COP1: variants seen among roughly 807,000 people sequenced by gnomAD.
The protein encoded by COP1 is E3 ubiquitin-protein ligase COP1.
COP1 carries 24 observed loss-of-function variants against 101.3 expected under a neutral mutation model. That is an observed-to-expected ratio of 0.24 (90% CI 0.17 to 0.33). The LOEUF (loss-of-function observed/expected upper bound fraction) is 0.33, where lower values mean the gene tolerates loss of function less well. COP1 is among the 10% of genes least tolerant of loss of function. The pLI, the probability that COP1 is intolerant of heterozygous loss-of-function variation, is 1.00. For synonymous variants in COP1, 347 were observed against 341.9 expected (o/e 1.01, Z -0.17); for missense variants, 663 against 906.2 (o/e 0.73, Z 3.45).
At chr1:176,119,797 C>A (rs549371987) in intron 8 of COP1, among the ~76,000 whole-genome samples, 1 of 152,110 alleles carries the variant, frequency 6.6e-6, no homozygotes, top group Non-Finnish European at 1.5e-5. Context: ...CATTTACTGA[C>A]GGTTTACTAT....
chr1:176,201,247 T>C (rs1197706112), intron 1 of COP1, among the ~76,000 whole-genome samples: 33 of 152,136 alleles, frequency 2.2e-4, no homozygotes, highest in Non-Finnish European at 1.2e-4. Flanking sequence ...GCACTTCAGA[T>C]AGAGGATACT....
intron 15 of COP1, among the ~76,000 whole-genome samples, chr1:176,012,434 T>C (rs1347398692): frequency 1.3e-5 from 2 of 152,162 alleles, no homozygotes; most frequent in African/African-American, 4.8e-5. Context: ...CCAAGCTAAG[T>C]GTTATTACAA....
chr1:176,201,854 A>C (rs766461504), intron 1 of COP1, among the ~76,000 whole-genome samples: 9 of 152,236 alleles, frequency 5.9e-5, no homozygotes, highest in Non-Finnish European at 1.2e-4. Context: ...AAAGCAAAAG[A>C]AGCATCAAGT....
At chr1:176,121,622 A>C (rs1031704907) in intron 8 of COP1, among the ~76,000 whole-genome samples, 4 of 152,202 alleles carry the variant, frequency 2.6e-5, no homozygotes, top group Non-Finnish European at 5.9e-5. Flanking sequence ...CAACTTGGAC[A>C]TATAAATGCA....
intron 18 of COP1, among the ~76,000 whole-genome samples, chr1:175,963,324 T>TA (rs1558165592): frequency 6.6e-6 from 1 of 152,082 alleles, no homozygotes; most frequent in African/African-American, 2.4e-5. Flanking sequence ...ATAAAGTCCC[T>TA]ACTCCACCAT....
Position 176,037,517 on chromosome 1 carries a change from G to GA in COP1, c.1612+5668dup, listed in dbSNP as rs893306940. ...AAAGTCACGAAAAATTACAAAAACA[G>GA]AAAAAAAACAACAAAAAAATTCACC... On this transcript the variant is annotated intron_variant, in intron 14 of 19. Transcript: ENST00000367669. 7.7e-5 allele frequency among the ~76,000 whole-genome samples: 11 copies of GA among 143,780 alleles called. No homozygotes were observed. In the East Asian group the frequency reaches 1.0e-3, roughly 13 times the overall value. The allele number at this position is 143,780 out of a possible 152,430, so 94.3% of individuals were successfully genotyped here. A position where few individuals can be genotyped will look rare whatever the true frequency, so the allele number is the denominator to read the frequency against.
chr1:175,962,920 T>C (rs542457232), intron 18 of COP1, among the ~76,000 whole-genome samples: 24 of 152,292 alleles, frequency 1.6e-4, no homozygotes, highest in Non-Finnish European at 2.5e-4. Context: ...TCCGCAAACA[T>C]AGTTCAAGAT....
intron 18 of COP1, among the ~76,000 whole-genome samples, chr1:175,978,402 T>A (rs546348768): frequency 6.6e-6 from 1 of 152,188 alleles, no homozygotes; most frequent in South Asian, 2.1e-4. Context: ...ATGCAACAGA[T>A]GTTTTCCCAG....
chr1:176,097,700 C>A (rs1445222677), intron 9 of COP1, among the ~76,000 whole-genome samples: 1 of 151,872 alleles, frequency 6.6e-6, no homozygotes, highest in African/African-American at 2.4e-5. Flanking sequence ...GAAACCCCAT[C>A]TCTACTAAAA....
intron 14 of COP1, among the ~76,000 whole-genome samples, chr1:176,042,131 T>C (rs1272902830): frequency 4.0e-5 from 6 of 149,576 alleles, no homozygotes; most frequent in African/African-American, 1.5e-4. Flanking sequence ...ATTAGCCGAG[T>C]GTGGCGGTGC....
At chr1:176,156,241 G>A (rs970705702) in intron 5 of COP1, among the ~76,000 whole-genome samples, 12 of 152,064 alleles carry the variant, frequency 7.9e-5, no homozygotes, top group African/African-American at 2.9e-4. Context: ...TATAAACTGT[G>A]TGGGAGAAAA....
At chr1:176,152,698 C>T (rs1043127544) in intron 5 of COP1, among the ~76,000 whole-genome samples, 1 of 152,114 alleles carries the variant, frequency 6.6e-6, no homozygotes, top group African/African-American at 2.4e-5. Flanking sequence ...TTCCTGGCCT[C>T]CCAAAGTGCC....
chr1:176,135,783 T>G (rs1177968402), intron 7 of COP1, among the ~76,000 whole-genome samples: 1 of 152,034 alleles, frequency 6.6e-6, no homozygotes, highest in Admixed American at 6.6e-5. Flanking sequence ...CAGGTAAAAT[T>G]ATTTCTAGCT....
chr1:176,198,161 GAA>G (rs1360744175), intron 1 of COP1, among the ~76,000 whole-genome samples: 1 of 152,068 alleles, frequency 6.6e-6, no homozygotes. Flanking sequence ...GATTTATGTG[GAA>G]ATGCAAAGAA....
At chr1:176,187,399 ATACG>A (rs1165737978) in intron 1 of COP1, among the ~76,000 whole-genome samples, 1 of 62,028 alleles carries the variant, frequency 1.6e-5, no homozygotes, top group Non-Finnish European at 3.5e-5. Context: ...ACATATAAAT[ATACG>A]TGTGTGTGTG....
intron 18 of COP1, among the ~76,000 whole-genome samples, chr1:175,984,303 C>T (rs61820936): frequency 0.066 from 10,045 of 152,282 alleles, 413 homozygotes; most frequent in Middle Eastern, 0.12. Context: ...AAGGGGCCAA[C>T]AGAGAACTCG....
At chr1:176,024,926 T>C (rs539629494) in intron 15 of COP1, among the ~76,000 whole-genome samples, 13 of 152,220 alleles carry the variant, frequency 8.5e-5, no homozygotes, top group African/African-American at 2.9e-4. Flanking sequence ...ATGATAAAAA[T>C]GGCAAAGATA....
intron 10 of COP1, among the ~76,000 whole-genome samples, chr1:176,083,091 A>C (rs1679480299): frequency 6.6e-6 from 1 of 152,190 alleles, no homozygotes. Flanking sequence ...AACATGGGTT[A>C]TTTGCAAAAA....
rs1173273169 is a variant in COP1 at position 176,168,062 on chromosome 1, AT to A, written c.566-4172del. Among the ~76,000 whole-genome samples the A allele has an allele frequency of 9.2e-3, 1,335 of 145,364 alleles. 17 individuals carry two copies. The highest frequency in any genetic ancestry group is 0.029 in the African/African-American group (1,155 of 39,868). ...GAGAGGTAAGAAAATTCAATTTACG[AT>A]TTTTTTTTTTTTGAAACAGAGTCTC... On this transcript the variant is annotated intron_variant, in intron 3 of 19. Transcript: ENST00000367669.
Sources: allele counts gnomAD v4.1 joint callset (sites outside exome capture counted in the v4.1 genomes callset), GRCh38; gene constraint gnomAD v4.1.1; transcripts MANE v1.5; gene names NCBI Gene and HGNC (gene_info 2026-07-23, HGNC 2026-07-21).